Variants in EPB41L1 observed in about 807,000 individuals in gnomAD.
EPB41L1 encodes the protein erythrocyte membrane protein band 4.1 like 1.
EPB41L1 carries 29 observed loss-of-function variants against 97.8 expected under a neutral mutation model. That is an observed-to-expected ratio of 0.30 (90% CI 0.22 to 0.40). EPB41L1 has a LOEUF of 0.40. EPB41L1 is among the 10% of genes least tolerant of loss of function. The pLI is 1.00. For synonymous variants in EPB41L1, 383 were observed against 459.2 expected, an observed-to-expected ratio of 0.83 and a Z score of 2.12; for missense variants, 812 against 1,162.3, an observed-to-expected ratio of 0.70 and a Z score of 4.38.
intron 2 of EPB41L1, 59 bp from the exon 3 acceptor site, chr20:36,175,492 T>C: frequency 4.4e-6 from 7 of 1,603,010 alleles, no homozygotes; most frequent in East Asian, 2.2e-5. Flanking sequence ...TTCTTACTTA[T>C]ATGAAAGGCC....
intron 14 of EPB41L1, among the ~76,000 whole-genome samples, chr20:36,198,619 T>C (rs1010088083): frequency 2.6e-5 from 4 of 152,224 alleles, no homozygotes; most frequent in African/African-American, 9.6e-5. Flanking sequence ...GACCTGCCTT[T>C]CCGAGTGGAA....
Position 36,178,894 on chromosome 20 carries a change from T to TA in EPB41L1, c.490+231dup, listed in dbSNP as rs199765437. Reference sequence around the variant, plus strand: ...CAACATGGGAAAAGCCTGTCCCTACTAAAAAAAAATACAAAAATTAGCTGG... The same window carrying TA: ...CAACATGGGAAAAGCCTGTCCCTACTAAAAAAAAAATACAAAAATTAGCTGG... On this transcript the variant is annotated intron_variant, in intron 5 of 21. Transcript: ENST00000338074. Among the ~76,000 whole-genome samples the TA allele has an allele frequency of 7.8e-3, 1,168 of 149,916 alleles. 55 individuals carry two copies. In the East Asian group the frequency reaches 0.11, roughly 15 times the overall value.
At chr20:36,116,500 AT>A (rs2058588904) in intron 2 of EPB41L1, among the ~76,000 whole-genome samples, 1 of 152,154 alleles carries the variant, frequency 6.6e-6, no homozygotes, top group Non-Finnish European at 1.5e-5. Context: ...GGCAGGCCCT[AT>A]CTGGAGGGTA....
chr20:36,110,969 A>T (rs2058382385), intron 1 of EPB41L1: 1 of 152,152 alleles, frequency 6.6e-6, no homozygotes, highest in South Asian at 2.1e-4. Context: ...TCTGCCACTT[A>T]TTCACTGCCT....
At position 36,172,008 on chromosome 20, in the gene EPB41L1, C is replaced by G. The variant is rs1199239741; in HGVS notation, c.-14-1756C>G. On this transcript the variant is annotated intron_variant, in intron 1 of 21. Coordinates refer to ENST00000338074, the MANE Select transcript of EPB41L1 (RefSeq NM_012156.2). ...GGGGCAGGAATGGGTGCATCTGATG[C>G]CCCTCCGCCACCCTACCTTTCTAAA... is the stretch of plus-strand genomic sequence containing the variant. Among the ~76,000 whole-genome samples, 5 of 152,262 alleles carry G rather than the reference C, an allele frequency of 3.3e-5. No individual in the cohort carries two copies. In the East Asian group the frequency reaches 9.6e-4, roughly 29 times the overall value.
chr20:36,102,672 T>TG (rs35171459), intron 1 of EPB41L1, among the ~76,000 whole-genome samples: 1 of 152,172 alleles, frequency 6.6e-6, no homozygotes, highest in East Asian at 1.9e-4. Flanking sequence ...CACCCACCAC[T>TG]GGGGGGACCT....
chr20:36,207,264 C>A lies in EPB41L1; in HGVS notation c.1669-2224C>A. The A allele has an allele frequency of 7.8e-7, 1 of 1,277,320 alleles. No homozygotes were observed. The highest frequency in any genetic ancestry group is 1.0e-6 in the Non-Finnish European group (1 of 981,248). The allele number at this position is 1,277,320 out of a possible 1,614,324, so 79.1% of individuals were successfully genotyped here. ...AAGTAGGGTTTGTGGTGTCCCCTGC[C>A]ACAGGAGGTGAGCGCAGGCCTCCTC... On this transcript the variant is annotated intron_variant, in intron 14 of 21. Coordinates refer to ENST00000338074, the MANE Select transcript of EPB41L1 (RefSeq NM_012156.2). The surrounding 1 kb of genome is among the most constrained non-coding windows in gnomAD (Gnocchi z 4.9).
At chr20:36,182,384 G>C in intron 6 of EPB41L1, 37 bp downstream of exon 6, 1 of 1,609,040 alleles carries the variant, frequency 6.2e-7, no homozygotes, top group East Asian at 2.2e-5. Context: ...TGTGCTGGCT[G>C]TGTGGGACTA....
At chr20:36,097,064 GAC>G (rs2057855407) in intron 1 of EPB41L1, among the ~76,000 whole-genome samples, 1 of 152,238 alleles carries the variant, frequency 6.6e-6, no homozygotes, top group South Asian at 2.1e-4. Context: ...CTCCTCAGGA[GAC>G]ACAGCCTAGC....
intron 2 of EPB41L1, among the ~76,000 whole-genome samples, chr20:36,112,834 A>C (rs970586746): frequency 6.6e-6 from 1 of 152,178 alleles, no homozygotes; most frequent in Non-Finnish European, 1.5e-5. Context: ...CCTAGGTCGT[A>C]GACTAGATTC....
At chr20:36,185,077 G>GT in intron 6 of EPB41L1, 40 bp from the exon 7 acceptor site, 1 of 1,596,684 alleles carries the variant, frequency 6.3e-7, no homozygotes, top group Non-Finnish European at 8.6e-7. Context: ...CTAGGGAGGA[G>GT]TAGGGCCCTG....
Position 36,194,338 on chromosome 20 carries a change from C to T in EPB41L1, c.1427C>T (p.Pro476Leu). 6.2e-7 allele frequency: 1 copy of T among 1,612,876 alleles called. No individual in the cohort carries two copies. The change falls in exon 12 of 22, where the codon CCA becomes CTA. Residue 476 changes from proline (P) to leucine (L), a missense_variant. By Grantham distance (98) the Pro-to-Leu change is moderately conservative (BLOSUM62 -3). Around this residue, in one of 3 missense-constraint regions of EPB41L1, gnomAD observed 498 missense variants for 622.7 expected, o/e 0.80. Coordinates refer to ENST00000338074, the MANE Select transcript of EPB41L1 (RefSeq NM_012156.2). ...GCTGAGGAGGGAGAGGTCAGGACTCCAACCAAGATCAAGGAGCTAAAGGTA... is the reference window on the plus strand; with the variant it reads ...GCTGAGGAGGGAGAGGTCAGGACTCTAACCAAGATCAAGGAGCTAAAGGTA... ...SEAEEGEVRT[P>L]TKIKELKPEQ...
chr20:36,197,287 C>T (rs2062252496), intron 13 of EPB41L1, among the ~76,000 whole-genome samples: 1 of 152,178 alleles, frequency 6.6e-6, no homozygotes, highest in Non-Finnish European at 1.5e-5. Flanking sequence ...AGGGCCTGAG[C>T]AGTTGTGCAT....
At chr20:36,118,873 G>C (rs2058666790) in intron 2 of EPB41L1, among the ~76,000 whole-genome samples, 1 of 152,168 alleles carries the variant, frequency 6.6e-6, no homozygotes, top group South Asian at 2.1e-4. Flanking sequence ...CTTAGGGCAA[G>C]AATAATGATC....
At chr20:36,202,723 G>A (rs1326032155) in intron 14 of EPB41L1, among the ~76,000 whole-genome samples, 2 of 150,166 alleles carry the variant, frequency 1.3e-5, no homozygotes, top group African/African-American at 4.9e-5. Context: ...TGAGGCAGGA[G>A]AATCGCTTGA....
chr20:36,185,607 A>G (rs1428104760), intron 7 of EPB41L1, among the ~76,000 whole-genome samples: 2 of 152,220 alleles, frequency 1.3e-5, no homozygotes, highest in African/African-American at 2.4e-5. Flanking sequence ...GAATAAGTTT[A>G]TCTGCCAACT....
chr20:36,153,207 G>A (rs1439643854), upstream of EPB41L1: 1 of 400,324 alleles, frequency 2.5e-6, no homozygotes, highest in Non-Finnish European at 5.0e-6. Context: ...TCATTCTTTG[G>A]AGGCCCTAGA....
intron 2 of EPB41L1, among the ~76,000 whole-genome samples, chr20:36,138,697 C>A (rs1320450069): frequency 1.3e-5 from 2 of 152,252 alleles, no homozygotes; most frequent in East Asian, 3.8e-4. Flanking sequence ...CAGTTTGTAG[C>A]TGAGAAAATA....
intron 17 of EPB41L1, among the ~76,000 whole-genome samples, chr20:36,215,315 C>A (rs2063377800): frequency 6.6e-6 from 1 of 152,100 alleles, no homozygotes; most frequent in African/African-American, 2.4e-5. Context: ...CACTTTCAAC[C>A]CCAGCCACTC....
Sources: gnomAD v4.1 joint callset for allele counts (sites outside exome capture counted in the v4.1 genomes callset) on GRCh38, gnomAD v4.1.1 for gene constraint, gnomAD v4.1.1 regional missense constraint, Gnocchi (gnomAD v3.1) non-coding constraint, MANE v1.5 for transcripts, NCBI Gene and HGNC (gene_info 2026-07-23, HGNC 2026-07-21) for gene names.